The following CYP20A1 variants were observed in gnomAD, a reference collection of about 807,000 sequenced individuals.
CYP20A1 encodes cytochrome P450 family 20 subfamily A member 1, also known as cytochrome P450 20A1.
CYP20A1 carries 61 observed loss-of-function variants against 61.4 expected under a neutral mutation model. That is an observed-to-expected ratio of 0.99 (90% CI 0.81 to 1.23). The LOEUF (loss-of-function observed/expected upper bound fraction) is 1.23. Among genes scored for constraint, CYP20A1 ranks in the 50% most tolerant of loss-of-function variants. The pLI, the probability that CYP20A1 is intolerant of heterozygous loss-of-function variation, is 0.00. For missense variants in CYP20A1, 530 were observed against 542.4 expected (o/e 0.98, Z 0.23); for synonymous variants, 193 against 188.2 (o/e 1.03, Z -0.21).
At chr2:203,250,917 A>G (rs1189105104) in intron 3 of CYP20A1, among the ~76,000 whole-genome samples, 1 of 151,836 alleles carries the variant, frequency 6.6e-6, no homozygotes, top group Non-Finnish European at 1.5e-5. Context: ...ACAAAAAATT[A>G]GCCGGGCATG....
chr2:203,288,196 G>A (rs1256020412), intron 9 of CYP20A1, among the ~76,000 whole-genome samples: 1 of 150,096 alleles, frequency 6.7e-6, no homozygotes, highest in Non-Finnish European at 1.5e-5. Context: ...TTTCCAAGTA[G>A]TTGGAATTAC....
chr2:203,242,514 A>G (rs1436749482), intron 1 of CYP20A1, among the ~76,000 whole-genome samples: 4 of 152,170 alleles, frequency 2.6e-5, no homozygotes, highest in Non-Finnish European at 4.4e-5. Flanking sequence ...TATGGCCAGC[A>G]CGGTGACTCA....
In CYP20A1 at chr2:203,285,727, G is replaced by C; in HGVS notation, c.966G>C (p.Gln322His). Residue 322 changes from glutamine to histidine, a missense_variant, in exon 9 of 13, where the codon CAG (glutamine) becomes CAC (histidine). Physicochemically the swap from Gln to His is conservative, Grantham distance 24. Transcript: ENST00000356079. Reference sequence around the variant, plus strand: ...CTGTTACTCCAGAGAAAATTGAGCAGCTCAGGTAAGAACACAATAAAAAGA... The same window carrying C: ...CTGTTACTCCAGAGAAAATTGAGCACCTCAGGTAAGAACACAATAAAAAGA... Reference protein sequence around the residue: ...NGPVTPEKIEQLRYCQHVLCE... With the variant: ...NGPVTPEKIEHLRYCQHVLCE... 2 of 1,583,620 alleles carry C rather than the reference G, an allele frequency of 1.3e-6. No homozygotes were observed.
intron 4 of CYP20A1, chr2:203,259,815 T>C (rs2067063121): frequency 6.6e-6 from 1 of 151,076 alleles, no homozygotes; most frequent in Non-Finnish European, 1.5e-5. Flanking sequence ...CCTGGCTAAT[T>C]TTTGTATTTT....
intron 10 of CYP20A1, among the ~76,000 whole-genome samples, chr2:203,291,512 A>G (rs758380457): frequency 6.6e-6 from 1 of 152,166 alleles, no homozygotes; most frequent in Non-Finnish European, 1.5e-5. Context: ...TTTCATACAT[A>G]TATTAACAGT....
At chr2:203,272,422 G>A (rs571707930) in intron 5 of CYP20A1, among the ~76,000 whole-genome samples, 1 of 151,770 alleles carries the variant, frequency 6.6e-6, no homozygotes, top group African/African-American at 2.4e-5. Flanking sequence ...CACAACTGTA[G>A]TCCCAGCTAC....
chr2:203,304,031 C>A lies in CYP20A1; in HGVS notation c.*7123C>A, dbSNP rs948578897. Among the ~76,000 whole-genome samples the A allele has an allele frequency of 2.0e-5, 3 of 151,950 alleles. No homozygotes were observed. The highest frequency in any genetic ancestry group is 7.3e-5 in the African/African-American group (3 of 41,370). ...GGTCAGGAGTTCAAGAACAGCCTGG[C>A]CAACATGGGGAAACCGCATCTCTAC... On this transcript the variant is annotated 3_prime_UTR_variant, in exon 13 of 13. Coordinates refer to ENST00000356079, the MANE Select transcript of CYP20A1 (RefSeq NM_177538.3).
At chr2:203,293,365 G>A (rs892125203) in intron 11 of CYP20A1, among the ~76,000 whole-genome samples, 3 of 150,498 alleles carry the variant, frequency 2.0e-5, no homozygotes, top group South Asian at 4.3e-4. Context: ...ACAGGCACCC[G>A]CCACCACGCC....
At chr2:203,283,209 GA>G (rs1460423438) in intron 8 of CYP20A1, among the ~76,000 whole-genome samples, 11 of 97,524 alleles carry the variant, frequency 1.1e-4, no homozygotes, top group African/African-American at 3.8e-4. Flanking sequence ...GTCAATGTGA[GA>G]ATTTTTTTTT....
chr2:203,270,760 G>T, intron 5 of CYP20A1, among the ~76,000 whole-genome samples: 1 of 134,836 alleles, frequency 7.4e-6, no homozygotes, highest in Non-Finnish European at 1.5e-5. Flanking sequence ...TTAGGCTGCA[G>T]TGCCTCAGTC....
rs760679830 is a variant in CYP20A1 at position 203,289,853 on chromosome 2, G to T, written c.1060G>T (p.Asp354Tyr). 2 of 1,583,836 alleles carry T rather than the reference G, an allele frequency of 1.3e-6. No individual in the cohort carries two copies. The highest frequency in any genetic ancestry group is 1.1e-5 in the South Asian group (1 of 87,218). The change falls in exon 10 of 13, where the codon GAC (aspartate) becomes TAC (tyrosine). Residue 354 changes from aspartate to tyrosine, a missense_variant. Transcript: ENST00000356079. ...GCTTCAAGATATTGAAGGAAAAATT[G>T]ACCGATTTATTATTCCTAGAGAGGT... ...AQLQDIEGKI[D>Y]RFIIPRETLV...
At chr2:203,268,619 T>C (rs2067431669) in intron 5 of CYP20A1, among the ~76,000 whole-genome samples, 1 of 152,166 alleles carries the variant, frequency 6.6e-6, no homozygotes. Context: ...TGTTTTGTTT[T>C]GTTTTTTACA....
rs1318874385 is a variant in CYP20A1 at position 203,305,588 on chromosome 2, A to G, written c.*8680A>G. 1 of 152,186 alleles carries G rather than the reference A, an allele frequency of 6.6e-6. No homozygotes were observed. The highest frequency in any genetic ancestry group is 1.5e-5 in the Non-Finnish European group (1 of 68,048). 9.4% of individuals were successfully genotyped at this position (152,186 alleles called of 1,614,324 possible). ...TTATAGTATGTGATAAAATGCCATG[A>G]TCAAATAAATTACTTATATCCTGTT... On this transcript the variant is annotated 3_prime_UTR_variant, in exon 13 of 13. Coordinates refer to ENST00000356079, the MANE Select transcript of CYP20A1 (RefSeq NM_177538.3).
intron 1 of CYP20A1, among the ~76,000 whole-genome samples, chr2:203,240,375 T>C (rs1034430191): frequency 6.6e-6 from 1 of 152,252 alleles, no homozygotes; most frequent in Non-Finnish European, 1.5e-5. Flanking sequence ...AGAAGCACAC[T>C]GTTTATTCTT....
At chr2:203,269,959 A>G (rs1173909592) in intron 5 of CYP20A1, among the ~76,000 whole-genome samples, 3 of 152,090 alleles carry the variant, frequency 2.0e-5, no homozygotes, top group Non-Finnish European at 4.4e-5. Context: ...TGTGAGGTTA[A>G]ACATCTTTTT....
intron 4 of CYP20A1, among the ~76,000 whole-genome samples, chr2:203,263,542 C>T (rs1393382253): frequency 1.3e-5 from 2 of 152,136 alleles, no homozygotes; most frequent in African/African-American, 2.4e-5. Flanking sequence ...CCCGCCTCGG[C>T]CCCCCAAAAT....
intron 6 of CYP20A1, among the ~76,000 whole-genome samples, chr2:203,275,301 A>G (rs1387304370): frequency 6.6e-6 from 1 of 152,192 alleles, no homozygotes; most frequent in Non-Finnish European, 1.5e-5. Flanking sequence ...ACCTGTAAAC[A>G]TTCAGATTTA....
intron 1 of CYP20A1, among the ~76,000 whole-genome samples, chr2:203,240,008 A>G (rs778576511): frequency 9.2e-5 from 14 of 152,158 alleles, no homozygotes; most frequent in Non-Finnish European, 2.1e-4. Flanking sequence ...AGGCAGGAGA[A>G]TCGCTTGAAC....
rs764296404 is a variant in CYP20A1 at position 203,239,030 on chromosome 2, G to A, written c.-33G>A. The A allele has an allele frequency of 8.7e-6, 14 of 1,604,430 alleles. No homozygotes were observed. The highest frequency in any genetic ancestry group is 1.2e-5 in the Non-Finnish European group (14 of 1,172,018). On this transcript the variant is annotated 5_prime_UTR_variant, in exon 1 of 13. Coordinates refer to ENST00000356079, the MANE Select transcript of CYP20A1 (RefSeq NM_177538.3). ...CTGAGGCGCTGCTGCTGGAGCGGCC[G>A]ATCCGAGACGTGGCTCCCTGGGCGG...
Sources: gnomAD v4.1 joint callset for allele counts (sites outside exome capture counted in the v4.1 genomes callset) on GRCh38, gnomAD v4.1.1 for gene constraint, MANE v1.5 for transcripts, NCBI Gene and HGNC (gene_info 2026-07-23, HGNC 2026-07-21) for gene names.